Variants in DDAH1 observed in about 807,000 individuals in gnomAD.
The protein encoded by DDAH1 is dimethylarginine dimethylaminohydrolase 1.
A neutral mutation model predicts 28.8 loss-of-function variants in DDAH1; 19 were observed. That is an observed-to-expected ratio of 0.66 (90% CI 0.46 to 0.97). DDAH1 has a LOEUF of 0.97. Ranked by LOEUF, DDAH1 falls within the 50% of genes least tolerant of loss-of-function variation. DDAH1 has a pLI of 0.00. For synonymous variants in DDAH1, 153 were observed against 154.4 expected, an observed-to-expected ratio of 0.99 and a Z score of 0.07; for missense variants, 326 against 375.9, an observed-to-expected ratio of 0.87 and a Z score of 1.10.
intron 4 of DDAH1, among the ~76,000 whole-genome samples, chr1:85,347,714 T>C (rs1443041381): frequency 6.6e-6 from 1 of 152,020 alleles, no homozygotes; most frequent in Non-Finnish European, 1.5e-5. Context: ...TGTATACATA[T>C]ATAACAAACC....
intron 1 of DDAH1, among the ~76,000 whole-genome samples, chr1:85,511,087 C>T (rs762314728): frequency 1.3e-5 from 2 of 152,298 alleles, no homozygotes; most frequent in Admixed American, 6.5e-5. Flanking sequence ...CAAAATTGAG[C>T]ACATAGTTGG....
At chr1:85,477,784 A>C (rs1178264506) in intron 2 of DDAH1, among the ~76,000 whole-genome samples, 2 of 152,106 alleles carry the variant, frequency 1.3e-5, no homozygotes, top group African/African-American at 4.8e-5. Context: ...TAAATTTTTC[A>C]GGGAATTTAT....
intron 1 of DDAH1, among the ~76,000 whole-genome samples, chr1:85,376,527 G>A (rs541778875): frequency 1.3e-5 from 2 of 152,142 alleles, no homozygotes; most frequent in East Asian, 3.9e-4. Context: ...CTAAACGCTT[G>A]CCTCCATCCA....
intron 1 of DDAH1, among the ~76,000 whole-genome samples, chr1:85,522,897 A>G (rs1657738761): frequency 6.6e-6 from 1 of 150,738 alleles, no homozygotes; most frequent in Non-Finnish European, 1.5e-5. Context: ...TTATTCATTC[A>G]GCAAACATTA....
chr1:85,443,437 G>A (rs1360072850), intron 1 of DDAH1, among the ~76,000 whole-genome samples: 9 of 152,140 alleles, frequency 5.9e-5, no homozygotes, highest in Non-Finnish European at 8.8e-5. Context: ...TAGCCTTGTA[G>A]TATAGTTTGA....
At chr1:85,322,539 G>A (rs1661395635) in intron 5 of DDAH1, among the ~76,000 whole-genome samples, 1 of 152,214 alleles carries the variant, frequency 6.6e-6, no homozygotes, top group African/African-American at 2.4e-5. Flanking sequence ...ATTCAGCACA[G>A]TGGTTAATTA....
At chr1:85,350,091 G>A (rs564760349) in intron 4 of DDAH1, among the ~76,000 whole-genome samples, 23 of 152,302 alleles carry the variant, frequency 1.5e-4, no homozygotes, top group African/African-American at 5.1e-4. Context: ...ACATTACAAG[G>A]AGCTCAATCT....
At chr1:85,431,538 CCTT>C (rs963973199) in intron 1 of DDAH1, among the ~76,000 whole-genome samples, 13 of 151,986 alleles carry the variant, frequency 8.6e-5, no homozygotes, top group African/African-American at 3.1e-4. Context: ...GTCCCTCTCT[CCTT>C]CTTTCCTTCT....
At chr1:85,557,824 A>C (rs150880993) in intron 1 of DDAH1, among the ~76,000 whole-genome samples, 184 of 152,296 alleles carry the variant, frequency 1.2e-3, no homozygotes, top group African/African-American at 4.2e-3. Flanking sequence ...TGGAAAGAGT[A>C]TCTGAAGACA....
intron 2 of DDAH1, among the ~76,000 whole-genome samples, chr1:85,491,542 T>A (rs771627645): frequency 6.6e-6 from 1 of 152,130 alleles, no homozygotes; most frequent in African/African-American, 2.4e-5. Context: ...GAAACATACA[T>A]CAGAAATAGA....
At chr1:85,544,060 T>C (rs938203685) in intron 1 of DDAH1, among the ~76,000 whole-genome samples, 1 of 152,228 alleles carries the variant, frequency 6.6e-6, no homozygotes, top group African/African-American at 2.4e-5. Context: ...TGCAGGTTTG[T>C]TCATATTTTC....
rs572892511 is a variant in DDAH1, at chr1:85,356,558, C to T, written c.403+2190G>A. On this transcript the variant is annotated intron_variant, in intron 2 of 5. Transcript: ENST00000284031. ...ATTGCAAATGTTATGTGTGTTTAAC[C>T]GCAATAAAATAAAAGAGATGAAGAA... is the stretch of plus-strand genomic sequence containing the variant. 6.6e-5 allele frequency among the ~76,000 whole-genome samples: 10 copies of T among 151,892 alleles called. No homozygotes were observed. In the East Asian group the frequency reaches 9.7e-4, roughly 15 times the overall value.
chr1:85,405,194 A>G (rs1652347770), intron 1 of DDAH1, among the ~76,000 whole-genome samples: 1 of 152,194 alleles, frequency 6.6e-6, no homozygotes, highest in Non-Finnish European at 1.5e-5. Context: ...GTTTAATTCA[A>G]TAAATTGGCC....
chr1:85,359,501 C>CA (rs1649672645), intron 1 of DDAH1, among the ~76,000 whole-genome samples: 1 of 152,192 alleles, frequency 6.6e-6, no homozygotes, highest in South Asian at 2.1e-4. Flanking sequence ...AATCTTATGT[C>CA]AGTCATTTAG....
At chr1:85,519,627 T>A (rs2100760871) in intron 1 of DDAH1, among the ~76,000 whole-genome samples, 2 of 152,168 alleles carry the variant, frequency 1.3e-5, no homozygotes, top group South Asian at 2.1e-4. Flanking sequence ...AATAAAAAAT[T>A]CTAAGAAAAA....
chr1:85,415,150 G>A (rs947110692), intron 1 of DDAH1, among the ~76,000 whole-genome samples: 2 of 151,620 alleles, frequency 1.3e-5, no homozygotes, highest in Admixed American at 1.3e-4. Flanking sequence ...GAGTAGCTGG[G>A]ATTACAGGTG....
At chr1:85,416,426 C>T (rs1418120351) in intron 1 of DDAH1, among the ~76,000 whole-genome samples, 1 of 152,020 alleles carries the variant, frequency 6.6e-6, no homozygotes, top group Non-Finnish European at 1.5e-5. Flanking sequence ...AACTTCTGAC[C>T]TCAGGTGATC....
chr1:85,351,188 G>A lies in DDAH1; in HGVS notation c.477+318C>T, dbSNP rs139468686. On this transcript the variant is annotated intron_variant, in intron 3 of 5. Transcript: ENST00000284031. ...TGGGATTATAGGTGTGAGCCATCAC[G>A]CCCGGCCTTCCAGATTTTTTTTTAA... 4.5e-3 allele frequency among the ~76,000 whole-genome samples: 685 copies of A among 151,742 alleles called. 2 individuals carry two copies. Among genetic ancestry groups the A allele is most frequent in the African/African-American group, 0.016 (657 of 41,338 alleles).
chr1:85,564,079 G>T (rs1659214938), intron 1 of DDAH1, among the ~76,000 whole-genome samples: 1 of 152,164 alleles, frequency 6.6e-6, no homozygotes, highest in Non-Finnish European at 1.5e-5. Flanking sequence ...GGCTGAGGCA[G>T]GGGAACCGCT....
Sources: allele counts gnomAD v4.1 joint callset (sites outside exome capture counted in the v4.1 genomes callset), GRCh38; gene constraint gnomAD v4.1.1; transcripts MANE v1.5; gene names NCBI Gene and HGNC (gene_info 2026-07-23, HGNC 2026-07-21).